FRS2: variants seen among roughly 807,000 people sequenced by gnomAD.
FRS2 encodes the protein FGFR signalling adaptor.
FRS2 carries 8 observed loss-of-function variants against 43.9 expected under a neutral mutation model. That is an observed-to-expected ratio of 0.18 (90% CI 0.11 to 0.33). FRS2 has a LOEUF of 0.33. FRS2 is among the 10% of genes least tolerant of loss of function. The probability of loss-of-function intolerance (pLI) is 1.00; values close to 1 mark genes in which losing one functional copy is unlikely to be tolerated. For synonymous variants in FRS2, 219 were observed against 220.3 expected, an observed-to-expected ratio of 0.99 and a Z score of 0.05; for missense variants, 534 against 627.6, an observed-to-expected ratio of 0.85 and a Z score of 1.59.
Position 69,570,417 on chromosome 12 carries a change from A to G in FRS2, c.153A>G (p.Lys51=), listed in dbSNP as rs1400320128. The change falls in exon 6 of 9, where the codon AAA becomes AAG. Residue 51 remains lysine, a synonymous_variant. Transcript: ENST00000549921. ...CAGAACTGATTTTATACACCCGCAA[A>G]CGTGACTCAGTAAAATGGCACTACC... ...TDTELILYTR[K]RDSVKWHYLC... 1 of 1,612,816 alleles carries G rather than the reference A, an allele frequency of 6.2e-7. No homozygotes were observed. Among genetic ancestry groups the G allele is most frequent in the Admixed American group, 1.7e-5 (1 of 60,010 alleles).
chr12:69,493,798 G>A (rs1872660802), intron 1 of FRS2, among the ~76,000 whole-genome samples: 2 of 152,206 alleles, frequency 1.3e-5, no homozygotes, highest in African/African-American at 2.4e-5. Context: ...TCATTTTGAT[G>A]TTTGTGCGTT....
intron 1 of FRS2, among the ~76,000 whole-genome samples, chr12:69,515,955 C>T (rs533082472): frequency 6.8e-6 from 1 of 147,518 alleles, no homozygotes; most frequent in East Asian, 2.1e-4. Context: ...TATTTAACCC[C>T]GGGAAATATC....
At position 69,574,203 on chromosome 12, in the gene FRS2, C is replaced by A; in HGVS notation, c.775C>A (p.Gln259Lys). ...VKFVLGPTPVQKQLMEKEKLE... is the reference protein window; with the variant it reads ...VKFVLGPTPVKKQLMEKEKLE... The stretch of plus-strand genomic sequence containing the variant: ...ATTTGTTTTAGGGCCAACCCCTGTT[C>A]AAAAGCAGTTAATGGAAAAAGAGAA... The change falls in exon 9 of 9, where the codon CAA becomes AAA. Residue 259 changes from glutamine to lysine, a missense_variant. Coordinates refer to ENST00000549921, the MANE Select transcript of FRS2 (RefSeq NM_001278356.2). 6.2e-7 allele frequency: 1 copy of A among 1,614,092 alleles called. No homozygotes were observed. The highest frequency in any genetic ancestry group is 1.1e-5 in the South Asian group (1 of 91,080).
intron 1 of FRS2, among the ~76,000 whole-genome samples, chr12:69,479,675 T>C (rs1871189502): frequency 6.6e-6 from 1 of 152,108 alleles, no homozygotes. Flanking sequence ...GGATTACAGG[T>C]GCAAGCCACT....
chr12:69,486,995 A>G (rs761577683), intron 1 of FRS2, among the ~76,000 whole-genome samples: 8 of 152,248 alleles, frequency 5.3e-5, no homozygotes, highest in Non-Finnish European at 1.0e-4. Flanking sequence ...CTGATGCAGA[A>G]GCTGCAGCAA....
intron 4 of FRS2, among the ~76,000 whole-genome samples, chr12:69,566,050 A>G (rs904893913): frequency 2.0e-5 from 3 of 152,084 alleles, no homozygotes; most frequent in Non-Finnish European, 2.9e-5. Flanking sequence ...TGTGATAGCT[A>G]TAGTGTCAGT....
At chr12:69,550,558 A>T (rs1593036643) in intron 3 of FRS2, among the ~76,000 whole-genome samples, 1 of 152,372 alleles carries the variant, frequency 6.6e-6, no homozygotes, top group East Asian at 1.9e-4. Context: ...CATTATCTCC[A>T]ATAATACCAG....
chr12:69,510,646 G>C lies in FRS2; in HGVS notation c.-260-20219G>C, dbSNP rs186217056. On this transcript the variant is annotated intron_variant, in intron 1 of 8. Coordinates refer to ENST00000549921, the MANE Select transcript of FRS2 (RefSeq NM_001278356.2). ...GGAGTCAATAATGTGTAGTGATTAG[G>C]CGTGTGGCCAGAATGTCTTGGTTCA... 5.9e-5 allele frequency among the ~76,000 whole-genome samples: 9 copies of C among 152,200 alleles called. No homozygotes were observed. The East Asian group carries it at 1.7e-3, about 29-fold the overall frequency.
rs560863516 is a variant in FRS2 at position 69,504,825 on chromosome 12, G to A, written c.-260-26040G>A. On this transcript the variant is annotated intron_variant, in intron 1 of 8. Coordinates refer to ENST00000549921, the MANE Select transcript of FRS2 (RefSeq NM_001278356.2). ...TAAGTTGCTTACAGTTGTGCATCTG[G>A]TGGTAGAAGCCTAATCCCCCATAGA... Among the ~76,000 whole-genome samples, 15 of 152,164 alleles carry A rather than the reference G, an allele frequency of 9.9e-5. No individual in the cohort carries two copies. The East Asian group carries it at 2.9e-3, about 29-fold the overall frequency.
intron 1 of FRS2, among the ~76,000 whole-genome samples, chr12:69,479,294 G>C (rs1490713543): frequency 6.7e-6 from 1 of 148,452 alleles, no homozygotes; most frequent in African/African-American, 2.5e-5. Context: ...TTTTTTCTTT[G>C]TTCATTATAG....
intron 3 of FRS2, among the ~76,000 whole-genome samples, chr12:69,540,017 G>T (rs1877730547): frequency 6.6e-6 from 1 of 151,958 alleles, no homozygotes; most frequent in East Asian, 1.9e-4. Context: ...ACTTTGGGAG[G>T]CCGAGGCGGG....
intron 1 of FRS2, among the ~76,000 whole-genome samples, chr12:69,483,933 C>T (rs1871581270): frequency 6.6e-6 from 1 of 152,082 alleles, no homozygotes; most frequent in South Asian, 2.1e-4. Flanking sequence ...TTCTCCTTCC[C>T]CCAACTTACT....
At chr12:69,485,444 A>T (rs10784782) in intron 1 of FRS2, among the ~76,000 whole-genome samples, 17 of 151,848 alleles carry the variant, frequency 1.1e-4, no homozygotes, top group African/African-American at 3.9e-4. Context: ...GACCTTCCAA[A>T]GTGCTGGGAT....
intron 1 of FRS2, among the ~76,000 whole-genome samples, chr12:69,488,191 G>A (rs1872129912): frequency 6.6e-6 from 1 of 152,148 alleles, no homozygotes; most frequent in Non-Finnish European, 1.5e-5. Context: ...TTCTACTGTG[G>A]GTAAAATGCA....
intron 1 of FRS2, among the ~76,000 whole-genome samples, chr12:69,477,709 CTTATTTATTTATTTAT>C (rs138396374): frequency 0.43 from 61,633 of 141,996 alleles, 14,141 homozygotes; most frequent in East Asian, 0.64. Context: ...TTAATAGTAG[CTTATTTATTTATTTAT>C]TTATTTATTT....
At chr12:69,510,776 G>T (rs1260589217) in intron 1 of FRS2, among the ~76,000 whole-genome samples, 2 of 152,098 alleles carry the variant, frequency 1.3e-5, no homozygotes, top group Non-Finnish European at 2.9e-5. Context: ...CATCTAAAGT[G>T]CTAGCTCAAT....
In FRS2 at chr12:69,574,886, G is replaced by A. The variant is rs747082354; in HGVS notation, c.1458G>A (p.Gln486=). ...IERTAAMSNL[Q]KALPRDDGTS... The stretch of plus-strand genomic sequence containing the variant: ...GAACTGCTGCTATGTCAAATTTGCA[G>A]AAAGCACTGCCACGAGATGATGGTA... Residue 486 remains glutamine, a synonymous_variant, in exon 9 of 9, where the codon CAG becomes CAA. Coordinates refer to ENST00000549921, the MANE Select transcript of FRS2 (RefSeq NM_001278356.2). 27 of 1,613,796 alleles carry A rather than the reference G, an allele frequency of 1.7e-5. No homozygotes were observed. The African/African-American group carries it at 3.5e-4, about 21-fold the overall frequency.
At chr12:69,485,585 C>T (rs992193118) in intron 1 of FRS2, among the ~76,000 whole-genome samples, 10 of 152,078 alleles carry the variant, frequency 6.6e-5, no homozygotes, top group African/African-American at 2.2e-4. Flanking sequence ...CAAGTTCAGG[C>T]GATTTTCCTG....
intron 1 of FRS2, among the ~76,000 whole-genome samples, chr12:69,498,876 T>G (rs148519974): frequency 5.9e-5 from 9 of 152,304 alleles, no homozygotes; most frequent in Admixed American, 2.6e-4. Flanking sequence ...GTAATAACAC[T>G]ATTGTTTATT....
Sources: gnomAD v4.1 joint callset for allele counts (sites outside exome capture counted in the v4.1 genomes callset) on GRCh38, gnomAD v4.1.1 for gene constraint, MANE v1.5 for transcripts, NCBI Gene and HGNC (gene_info 2026-07-23, HGNC 2026-07-21) for gene names.